ARHGAP26: variants seen among roughly 807,000 people sequenced by gnomAD.
ARHGAP26 encodes rho GTPase-activating protein 26.
In ARHGAP26, 38 loss-of-function variants were observed where a neutral mutation model predicts 104.8. The observed-to-expected ratio is 0.36, with a 90% confidence interval of 0.28 to 0.48. ARHGAP26 has a LOEUF of 0.48. Ranked by LOEUF, ARHGAP26 falls within the 20% of genes least tolerant of loss-of-function variation. ARHGAP26 has a pLI of 0.99. For missense variants in ARHGAP26, 704 were observed against 947.9 expected (o/e 0.74, Z 3.38); for synonymous variants, 341 against 340.0 (o/e 1.00, Z -0.03).
chr5:142,860,949 G>T (rs1258698722), intron 1 of ARHGAP26, among the ~76,000 whole-genome samples: 3 of 152,230 alleles, frequency 2.0e-5, no homozygotes, highest in African/African-American at 7.2e-5. Context: ...CAGCCCTAGA[G>T]ATTTTGATTG....
intron 5 of ARHGAP26, among the ~76,000 whole-genome samples, chr5:142,887,716 C>T (rs1757918701): frequency 6.6e-6 from 1 of 152,084 alleles, no homozygotes; most frequent in Non-Finnish European, 1.5e-5. Flanking sequence ...TGTAACTGAA[C>T]TAAATTAAAC....
intron 17 of ARHGAP26, among the ~76,000 whole-genome samples, chr5:143,117,991 T>C (rs778856411): frequency 1.3e-5 from 2 of 152,190 alleles, no homozygotes; most frequent in Non-Finnish European, 2.9e-5. Context: ...CTTCCTCTTC[T>C]CAGGCCTTGG....
chr5:142,804,301 C>G (rs1255272984), intron 1 of ARHGAP26, among the ~76,000 whole-genome samples: 1 of 152,128 alleles, frequency 6.6e-6, no homozygotes, highest in Admixed American at 6.5e-5. Flanking sequence ...GTAACTATTA[C>G]ACATAACTTG....
Position 143,224,010 on chromosome 5 carries a change from G to A in ARHGAP26, c.*1564G>A, listed in dbSNP as rs531552600. On this transcript the variant is annotated 3_prime_UTR_variant, in exon 23 of 23. Coordinates refer to ENST00000645722, the MANE Select transcript of ARHGAP26 (RefSeq NM_001135608.3). Reference sequence around the variant, plus strand: ...CCCCAGGAGCCCCTTGGATGGCAGCGTTGCTTCAGAGTGTTTCCTGTTTCT... The same window carrying A: ...CCCCAGGAGCCCCTTGGATGGCAGCATTGCTTCAGAGTGTTTCCTGTTTCT... The A allele has an allele frequency of 5.7e-4, 133 of 231,668 alleles. No homozygotes were observed. The highest frequency in any genetic ancestry group is 2.7e-3 in the African/African-American group (124 of 45,344). 14.4% of individuals were successfully genotyped at this position (231,668 alleles called of 1,614,324 possible). A position where few individuals can be genotyped will look rare whatever the true frequency, so the allele number is the denominator to read the frequency against.
At chr5:143,216,404 C>T (rs888428994) in intron 22 of ARHGAP26, 8 of 432,056 alleles carry the variant, frequency 1.9e-5, no homozygotes, top group Admixed American at 1.7e-4. Context: ...CTGAGAATTA[C>T]TTACAAGGCC....
intron 11 of ARHGAP26, among the ~76,000 whole-genome samples, chr5:142,971,492 A>G (rs984897436): frequency 2.6e-5 from 4 of 152,110 alleles, no homozygotes; most frequent in South Asian, 2.1e-4. Flanking sequence ...CCAGGGTATC[A>G]CTAATTAGCA....
At chr5:142,847,299 T>C (rs1772176771) in intron 1 of ARHGAP26, among the ~76,000 whole-genome samples, 1 of 152,184 alleles carries the variant, frequency 6.6e-6, no homozygotes, top group Non-Finnish European at 1.5e-5. Flanking sequence ...ATACAGAACC[T>C]GAGCCTTGGG....
At chr5:142,874,602 C>T (rs934650019) in intron 2 of ARHGAP26, among the ~76,000 whole-genome samples, 3 of 152,312 alleles carry the variant, frequency 2.0e-5, no homozygotes, top group South Asian at 2.1e-4. Flanking sequence ...CACCATGCTT[C>T]GAGCTGCATT....
chr5:142,812,086 C>T (rs954829101), intron 1 of ARHGAP26, among the ~76,000 whole-genome samples: 2 of 152,072 alleles, frequency 1.3e-5, no homozygotes, highest in Non-Finnish European at 2.9e-5. Flanking sequence ...GAAAGGCTCC[C>T]CCTCCCCACC....
In ARHGAP26 at chr5:142,817,132, C is replaced by T. The variant is rs191088353; in HGVS notation, c.154+46217C>T. 2.6e-5 allele frequency among the ~76,000 whole-genome samples: 4 copies of T among 152,128 alleles called. No individual in the cohort carries two copies. In the East Asian group the frequency reaches 7.8e-4, roughly 30 times the overall value. On this transcript the variant is annotated intron_variant, in intron 1 of 22. Transcript: ENST00000645722. ...GGAACTGGAAAACACTCAGCATGGT[C>T]CTGGAAGTGTGGGAAGTTCAGTAAA...
At chr5:143,032,487 C>T (rs532299712) in intron 12 of ARHGAP26, among the ~76,000 whole-genome samples, 3 of 152,346 alleles carry the variant, frequency 2.0e-5, no homozygotes, top group South Asian at 2.1e-4. Flanking sequence ...AGCCTTGGCT[C>T]AGTGAAAGAG....
At chr5:143,011,219 G>GGT (rs1374554679) in intron 11 of ARHGAP26, among the ~76,000 whole-genome samples, 1 of 151,572 alleles carries the variant, frequency 6.6e-6, no homozygotes, top group African/African-American at 2.4e-5. Context: ...TTCCCAAGGA[G>GGT]GTACCCCTCA....
At chr5:142,801,298 G>C (rs939381808) in intron 1 of ARHGAP26, among the ~76,000 whole-genome samples, 1 of 152,104 alleles carries the variant, frequency 6.6e-6, no homozygotes, top group Non-Finnish European at 1.5e-5. Flanking sequence ...CTGCACTGTG[G>C]GATAATAAGA....
At chr5:142,958,408 T>C (rs1022975329) in intron 11 of ARHGAP26, among the ~76,000 whole-genome samples, 3 of 152,218 alleles carry the variant, frequency 2.0e-5, no homozygotes, top group African/African-American at 7.2e-5. Flanking sequence ...GGCTCATGCT[T>C]GTAATCCTGA....
chr5:142,778,027 T>C (rs1756698000), intron 1 of ARHGAP26, among the ~76,000 whole-genome samples: 1 of 152,066 alleles, frequency 6.6e-6, no homozygotes, highest in South Asian at 2.1e-4. Context: ...ATAGTTGAGG[T>C]GAGAGATGAT....
chr5:142,800,714 A>T (rs991122333), intron 1 of ARHGAP26, among the ~76,000 whole-genome samples: 1 of 152,062 alleles, frequency 6.6e-6, no homozygotes, highest in Non-Finnish European at 1.5e-5. Context: ...AGACCTGCTT[A>T]TGGTGTCAGT....
intron 20 of ARHGAP26, among the ~76,000 whole-genome samples, chr5:143,152,994 A>G (rs902371126): frequency 9.2e-5 from 14 of 152,106 alleles, no homozygotes; most frequent in African/African-American, 3.4e-4. Flanking sequence ...AGTGATAGTA[A>G]ACTGACACAA....
At chr5:142,926,879 T>C (rs1386618217) in intron 10 of ARHGAP26, among the ~76,000 whole-genome samples, 1 of 152,180 alleles carries the variant, frequency 6.6e-6, no homozygotes, top group Non-Finnish European at 1.5e-5. Flanking sequence ...TGATTACAAC[T>C]AATTTTTGGA....
At chr5:142,780,961 T>G (rs1412201446) in intron 1 of ARHGAP26, among the ~76,000 whole-genome samples, 2 of 152,246 alleles carry the variant, frequency 1.3e-5, no homozygotes, top group Non-Finnish European at 2.9e-5. Flanking sequence ...TCATGCCACA[T>G]GTCCTCTGCC....
Sources: gnomAD v4.1 joint callset for allele counts (sites outside exome capture counted in the v4.1 genomes callset) on GRCh38, gnomAD v4.1.1 for gene constraint, MANE v1.5 for transcripts, NCBI Gene and HGNC (gene_info 2026-07-23, HGNC 2026-07-21) for gene names.